DOCK1: variants seen among roughly 807,000 people sequenced by gnomAD.
The protein encoded by DOCK1 is dedicator of cytokinesis protein 1.
A neutral mutation model predicts 262.7 loss-of-function variants in DOCK1; 138 were observed. The observed-to-expected ratio is 0.53, with a 90% confidence interval of 0.46 to 0.61. The LOEUF (loss-of-function observed/expected upper bound fraction) is 0.61, where lower values mean the gene tolerates loss of function less well. DOCK1 is among the 20% of genes least tolerant of loss of function. The pLI is 0.00. For missense variants in DOCK1, 1,908 were observed against 2,370.7 expected, an observed-to-expected ratio of 0.80 and a Z score of 4.05; for synonymous variants, 866 against 867.4, an observed-to-expected ratio of 1.00 and a Z score of 0.03.
intron 5 of DOCK1, 141 bp from the exon 6 acceptor site, chr10:126,990,314 G>C: frequency 8.2e-6 from 7 of 857,254 alleles, no homozygotes; most frequent in Non-Finnish European, 1.2e-5. Context: ...TATGCTGAAA[G>C]CACCTTTTAA....
chr10:127,408,050 G>A lies in DOCK1; in HGVS notation c.4123-987G>A, dbSNP rs371104503. On this transcript the variant is annotated intron_variant, in intron 40 of 51. Coordinates refer to ENST00000623213, the MANE Select transcript of DOCK1 (RefSeq NM_001290223.2). ...CACTCAGAACACACGTGTTGAAATC[G>A]GGAAAAAAACGGAGACCTGTTGTAT... is the stretch of plus-strand genomic sequence containing the variant. Among the ~76,000 whole-genome samples, 10 of 152,094 alleles carry A rather than the reference G, an allele frequency of 6.6e-5. No individual in the cohort carries two copies. In the South Asian group the frequency reaches 1.7e-3, roughly 25 times the overall value.
chr10:127,281,509 A>G (rs1053440962), intron 29 of DOCK1, among the ~76,000 whole-genome samples: 4 of 152,186 alleles, frequency 2.6e-5, no homozygotes, highest in Non-Finnish European at 5.9e-5. Context: ...GAAGTCTTTC[A>G]TTGTTTTCAA....
chr10:127,384,341 T>G (rs1168281644), intron 37 of DOCK1, among the ~76,000 whole-genome samples: 47 of 152,184 alleles, frequency 3.1e-4, no homozygotes, highest in Admixed American at 3.1e-3. Flanking sequence ...TCCCCATCTT[T>G]AAGGAGCTTG....
chr10:127,049,276 G>A (rs868327125), intron 21 of DOCK1, among the ~76,000 whole-genome samples: 2 of 152,118 alleles, frequency 1.3e-5, no homozygotes, highest in South Asian at 2.1e-4. Context: ...CAACACTTTG[G>A]GAGGGAGGCC....
chr10:127,396,485 T>G (rs2066854735), intron 38 of DOCK1, among the ~76,000 whole-genome samples: 1 of 152,194 alleles, frequency 6.6e-6, no homozygotes, highest in Admixed American at 6.5e-5. Flanking sequence ...CACTGCCCAT[T>G]TCTCCTCCTC....
Position 127,012,381 on chromosome 10 carries a change from A to G in DOCK1, c.1201+7A>G, listed in dbSNP as rs1176473243. 4.3e-6 allele frequency: 7 copies of G among 1,613,172 alleles called. No individual in the cohort carries two copies. The highest frequency in any genetic ancestry group is 5.9e-6 in the Non-Finnish European group (7 of 1,179,560). On this transcript the variant is annotated splice_region_variant and intron_variant, in intron 12 of 51. Transcript: ENST00000623213. This position sits in a 1 kb window ranked among gnomAD's most constrained non-coding sequence, Gnocchi z 4.0. ...GTCAACCACAAGGGGCAGGGTACGT[A>G]TTTTCCTATTTTGTTTCTATCAGCG... is the stretch of plus-strand genomic sequence containing the variant.
intron 25 of DOCK1, among the ~76,000 whole-genome samples, chr10:127,122,493 A>G (rs1001418466): frequency 6.6e-6 from 1 of 152,042 alleles, no homozygotes; most frequent in Non-Finnish European, 1.5e-5. Flanking sequence ...TCCTTCCTCA[A>G]GCAGCATCTC....
chr10:127,261,770 T>G (rs1392544271), intron 29 of DOCK1, among the ~76,000 whole-genome samples: 5 of 133,424 alleles, frequency 3.7e-5, no homozygotes, highest in Non-Finnish European at 7.9e-5. Flanking sequence ...TGCATGTGGG[T>G]GTGTGTGTGT....
At chr10:127,145,143 C>T (rs889990632) in intron 27 of DOCK1, among the ~76,000 whole-genome samples, 3 of 152,210 alleles carry the variant, frequency 2.0e-5, no homozygotes, top group East Asian at 3.9e-4. Flanking sequence ...AGTGCACCTG[C>T]GGCTCTGGGT....
chr10:127,064,226 A>G (rs1269847166), intron 23 of DOCK1, among the ~76,000 whole-genome samples: 1 of 152,116 alleles, frequency 6.6e-6, no homozygotes, highest in Non-Finnish European at 1.5e-5. Context: ...CTCCTGCCTC[A>G]TCCTCCCAGT....
At chr10:127,436,653 T>C (rs2134689920) in intron 48 of DOCK1, among the ~76,000 whole-genome samples, 1 of 152,326 alleles carries the variant, frequency 6.6e-6, no homozygotes, top group East Asian at 1.9e-4. Flanking sequence ...CAATCATATT[T>C]TCCAGCAAAT....
In DOCK1 at chr10:127,247,549, ATGATT is replaced by A. The variant is rs1465801715; in HGVS notation, c.2848-457_2848-453del. Among the ~76,000 whole-genome samples the A allele has an allele frequency of 2.0e-5, 3 of 152,292 alleles. No individual in the cohort carries two copies. The East Asian group carries it at 5.8e-4, about 29-fold the overall frequency. On this transcript the variant is annotated intron_variant, in intron 27 of 51. Transcript: ENST00000623213. ...AAGAGAGCACAAAACAGAAGTTCCC[ATGATT>A]TCCATCCTGTCTTTAATTTTCTTGT...
intron 29 of DOCK1, among the ~76,000 whole-genome samples, chr10:127,290,300 T>G (rs2061306153): frequency 1.3e-5 from 2 of 152,188 alleles, no homozygotes; most frequent in Admixed American, 1.3e-4. Context: ...TTTCCATAAT[T>G]TCCTGTGTTT....
chr10:127,150,978 T>A (rs1175461293), intron 27 of DOCK1, among the ~76,000 whole-genome samples: 4 of 152,208 alleles, frequency 2.6e-5, no homozygotes, highest in African/African-American at 4.8e-5. Flanking sequence ...AATGGGAGAT[T>A]TCAATTCATG....
chr10:126,995,999 G>A lies in DOCK1; in HGVS notation c.474-749G>A, dbSNP rs993771885. ...CTCTCTCCTTCCTCAACTCTCTGAT[G>A]ATGTCACAACTGCCAGCTATGTGTT... On this transcript the variant is annotated intron_variant, in intron 6 of 51. Transcript: ENST00000623213. This position sits in a 1 kb window ranked among gnomAD's most constrained non-coding sequence, Gnocchi z 5.8. 6.6e-6 allele frequency among the ~76,000 whole-genome samples: 1 copy of A among 152,104 alleles called. No homozygotes were observed. The highest frequency in any genetic ancestry group is 2.4e-5 in the African/African-American group (1 of 41,412).
intron 11 of DOCK1, among the ~76,000 whole-genome samples, chr10:127,010,321 G>C (rs2041330136): frequency 6.6e-6 from 1 of 152,152 alleles, no homozygotes; most frequent in Non-Finnish European, 1.5e-5. Context: ...ACAAAAATTA[G>C]CCGGGTGTGG....
chr10:127,420,834 T>TA (rs1426839211), intron 46 of DOCK1, among the ~76,000 whole-genome samples: 1 of 149,292 alleles, frequency 6.7e-6, no homozygotes, highest in Non-Finnish European at 1.5e-5. Context: ...CAAAACTGTC[T>TA]AAAAAACAAA....
rs141680532 is a variant in DOCK1 at position 127,439,625 on chromosome 10, C to G, written c.5259+400C>G. Among the ~76,000 whole-genome samples the G allele has an allele frequency of 3.2e-4, 49 of 152,340 alleles. No individual in the cohort carries two copies. In the East Asian group the frequency reaches 7.9e-3, roughly 25 times the overall value. The stretch of plus-strand genomic sequence containing the variant: ...TTGCCCCTTGCTGACTGGAACTCTT[C>G]TAAGCTAGTTACGGCCCAAGTGTTA... On this transcript the variant is annotated intron_variant, in intron 49 of 51. Transcript: ENST00000623213.
intron 1 of DOCK1, among the ~76,000 whole-genome samples, chr10:126,910,178 G>T (rs1380440428): frequency 6.6e-6 from 1 of 152,234 alleles, no homozygotes; most frequent in Non-Finnish European, 1.5e-5. Flanking sequence ...CACTGGAATT[G>T]CAGCAAAACC....
Sources: gnomAD v4.1 joint callset for allele counts (sites outside exome capture counted in the v4.1 genomes callset) on GRCh38, gnomAD v4.1.1 for gene constraint, Gnocchi (gnomAD v3.1) non-coding constraint, MANE v1.5 for transcripts, NCBI Gene and HGNC (gene_info 2026-07-23, HGNC 2026-07-21) for gene names.